Variants in CFAP61 observed in about 807,000 individuals in gnomAD.
CFAP61 encodes the protein cilia- and flagella-associated protein 61.
Under a neutral mutation model 135.6 loss-of-function variants are expected in CFAP61, and 107 were observed. The ratio of observed to expected loss-of-function variants is 0.79; its 90% CI spans 0.67 to 0.93. The LOEUF is 0.93. CFAP61 is among the 40% of genes least tolerant of loss of function. The probability of loss-of-function intolerance (pLI) is 0.00; values close to 1 mark genes in which losing one functional copy is unlikely to be tolerated. For synonymous variants in CFAP61, 575 were observed against 578.5 expected, an observed-to-expected ratio of 0.99 and a Z score of 0.09; for missense variants, 1,507 against 1,556.2, an observed-to-expected ratio of 0.97 and a Z score of 0.53.
At chr20:20,252,515 T>C (rs1361573040) in intron 20 of CFAP61, among the ~76,000 whole-genome samples, 1 of 152,080 alleles carries the variant, frequency 6.6e-6, no homozygotes, top group Admixed American at 6.6e-5. Flanking sequence ...TCAACACAAA[T>C]TTGTAAACTT....
chr20:20,360,346 C>G lies in CFAP61; in HGVS notation c.3650C>G (p.Thr1217Ser), dbSNP rs372091949. 7.8e-5 allele frequency: 126 copies of G among 1,613,818 alleles called. No homozygotes were observed. The highest frequency in any genetic ancestry group is 9.5e-5 in the Non-Finnish European group (112 of 1,180,044). Residue 1217 changes from threonine (T) to serine (S), a missense_variant, in exon 27 of 27, where the codon ACT becomes AGT. By Grantham distance (58) the Thr-to-Ser change is moderately conservative (BLOSUM62 1). Coordinates refer to ENST00000245957, the MANE Select transcript of CFAP61 (RefSeq NM_015585.4). Reference sequence around the variant, plus strand: ...TACAAAACCCTGGTGGAGAGAAGCACTCTTGACTACCTGCACTATAACCGC... The same window carrying G: ...TACAAAACCCTGGTGGAGAGAAGCAGTCTTGACTACCTGCACTATAACCGC... The part of the protein sequence containing the change: ...SIYKTLVERS[T>S]LDYLHYNRYH...
chr20:20,096,959 A>C (rs1465998786), intron 7 of CFAP61, among the ~76,000 whole-genome samples: 1 of 152,236 alleles, frequency 6.6e-6, no homozygotes, highest in Non-Finnish European at 1.5e-5. Flanking sequence ...GAAAAAATTA[A>C]TTTTTAAAAA....
chr20:20,277,579 CTG>C, intron 22 of CFAP61, 121 bp downstream of exon 22: 2 of 1,106,540 alleles, frequency 1.8e-6, no homozygotes, highest in Non-Finnish European at 2.6e-6. Context: ...ATTTTGTTTT[CTG>C]TGTGTTCAGA....
intron 8 of CFAP61, among the ~76,000 whole-genome samples, chr20:20,124,129 A>G (rs1420874796): frequency 1.3e-5 from 2 of 151,428 alleles, no homozygotes; most frequent in Admixed American, 6.6e-5. Flanking sequence ...CAGTTCTAGG[A>G]GCTTTTTGGA....
At chr20:20,129,078 A>C (rs2050302874) in intron 8 of CFAP61, among the ~76,000 whole-genome samples, 1 of 151,498 alleles carries the variant, frequency 6.6e-6, no homozygotes, top group Non-Finnish European at 1.5e-5. Context: ...TTCATACTAG[A>C]GTTATGAATA....
At chr20:20,083,651 C>A (rs968504722) in intron 6 of CFAP61, among the ~76,000 whole-genome samples, 2 of 152,150 alleles carry the variant, frequency 1.3e-5, no homozygotes, top group African/African-American at 4.8e-5. Context: ...GACTTCTGAG[C>A]AATTTCATAT....
chr20:20,124,517 T>A (rs1413559260), intron 8 of CFAP61, among the ~76,000 whole-genome samples: 13 of 151,952 alleles, frequency 8.6e-5, no homozygotes, highest in Admixed American at 8.5e-4. Context: ...TTGTTTTTAA[T>A]TCTGTTTATG....
At chr20:20,081,525 A>G (rs540827722) in intron 6 of CFAP61, among the ~76,000 whole-genome samples, 3 of 152,284 alleles carry the variant, frequency 2.0e-5, no homozygotes, top group African/African-American at 7.2e-5. Context: ...CTAATAGCCT[A>G]CTTGTCACTC....
chr20:20,324,285 T>C (rs1292024032), intron 25 of CFAP61, among the ~76,000 whole-genome samples: 1 of 152,104 alleles, frequency 6.6e-6, no homozygotes, highest in Non-Finnish European at 1.5e-5. Context: ...CTTTTCTCCC[T>C]CCGCTCAGTC....
intron 17 of CFAP61, among the ~76,000 whole-genome samples, chr20:20,222,735 T>G (rs1177013436): frequency 2.6e-5 from 4 of 152,190 alleles, no homozygotes; most frequent in Admixed American, 6.5e-5. Context: ...ACTGATTGGT[T>G]CTATTTAAAA....
intron 26 of CFAP61, among the ~76,000 whole-genome samples, chr20:20,356,049 T>C (rs1470035208): frequency 2.4e-5 from 3 of 126,686 alleles, no homozygotes; most frequent in Non-Finnish European, 3.3e-5. Context: ...GGGGAGGTGG[T>C]CACACTGAGG....
At chr20:20,124,706 T>A (rs558577586) in intron 8 of CFAP61, among the ~76,000 whole-genome samples, 1 of 151,798 alleles carries the variant, frequency 6.6e-6, no homozygotes, top group Non-Finnish European at 1.5e-5. Flanking sequence ...TTTTCTTTTT[T>A]GGTTATGTCC....
intron 12 of CFAP61, among the ~76,000 whole-genome samples, 170 bp downstream of exon 12, chr20:20,166,606 AATTTTTAAGTC>A (rs2053853058): frequency 6.6e-6 from 1 of 152,232 alleles, no homozygotes; most frequent in Non-Finnish European, 1.5e-5. Flanking sequence ...CATTTTCAAG[AATTTTTAAGTC>A]ATGCTATTTT....
intron 6 of CFAP61, among the ~76,000 whole-genome samples, chr20:20,083,081 G>T (rs1285385559): frequency 6.6e-6 from 1 of 152,192 alleles, no homozygotes; most frequent in African/African-American, 2.4e-5. Flanking sequence ...GCAAGGATAT[G>T]GAACCAACCT....
At chr20:20,169,190 A>T in intron 12 of CFAP61, 131 bp from the exon 13 acceptor site, 1 of 782,804 alleles carries the variant, frequency 1.3e-6, no homozygotes, top group Non-Finnish European at 1.9e-6. Flanking sequence ...AATTATAGGA[A>T]AGGTAATTTG....
At chr20:20,224,234 C>T (rs975473591) in intron 17 of CFAP61, among the ~76,000 whole-genome samples, 36 of 152,278 alleles carry the variant, frequency 2.4e-4, no homozygotes, top group African/African-American at 8.4e-4. Flanking sequence ...TTCAGAAGCT[C>T]ATAGGGAATT....
intron 17 of CFAP61, among the ~76,000 whole-genome samples, chr20:20,224,963 C>A (rs1305707502): frequency 6.6e-6 from 1 of 152,136 alleles, no homozygotes; most frequent in African/African-American, 2.4e-5. Flanking sequence ...AGACCCAAAA[C>A]AGAATCTCCA....
At chr20:20,142,687 C>CG (rs1288666668) in intron 8 of CFAP61, among the ~76,000 whole-genome samples, 170 bp from the exon 9 acceptor site, 6 of 152,066 alleles carry the variant, frequency 3.9e-5, no homozygotes, top group African/African-American at 9.7e-5. Context: ...TGTCAAAATT[C>CG]GGGGGGGCTG....
intron 7 of CFAP61, chr20:20,094,346 C>T (rs1418835856): frequency 1.3e-5 from 2 of 152,270 alleles, no homozygotes; most frequent in African/African-American, 2.4e-5. Context: ...CTTGTCTTTA[C>T]ACAACTAGAC....
Sources: gnomAD v4.1 joint callset for allele counts (sites outside exome capture counted in the v4.1 genomes callset) on GRCh38, gnomAD v4.1.1 for gene constraint, MANE v1.5 for transcripts, NCBI Gene and HGNC (gene_info 2026-07-23, HGNC 2026-07-21) for gene names.